Variants in EPB41L3 observed in about 807,000 individuals in gnomAD.
The protein encoded by EPB41L3 is erythrocyte membrane protein band 4.1 like 3.
In EPB41L3, 57 loss-of-function variants were observed where a neutral mutation model predicts 127.1. The observed-to-expected ratio is 0.45, with a 90% CI of 0.36 to 0.56. EPB41L3 has a LOEUF of 0.56. Among genes scored for constraint, EPB41L3 ranks in the 20% least tolerant of loss-of-function variants. The pLI is 0.00. For missense variants in EPB41L3, 1,273 were observed against 1,372.2 expected (o/e 0.93, Z 1.14); for synonymous variants, 572 against 549.5 (o/e 1.04, Z -0.57).
Position 5,543,443 on chromosome 18 carries a change from C to G in EPB41L3, c.-12+470G>C, listed in dbSNP as rs1430727819. On this transcript the variant is annotated intron_variant, in intron 1 of 22. Coordinates refer to ENST00000341928, the MANE Select transcript of EPB41L3 (RefSeq NM_012307.5). This position sits in a 1 kb window ranked among gnomAD's most constrained non-coding sequence, Gnocchi z 5.2. Reference sequence around the variant, plus strand: ...GCCCGGGCGGCGCCGCAGTGTCGCCCCCTGTCCCCCGCACCTCCCCGGGGG... The same window carrying G: ...GCCCGGGCGGCGCCGCAGTGTCGCCGCCTGTCCCCCGCACCTCCCCGGGGG... 1 of 146,886 alleles carries G rather than the reference C, an allele frequency of 6.8e-6. No individual in the cohort carries two copies. The highest frequency in any genetic ancestry group is 1.5e-5 in the Non-Finnish European group (1 of 66,108). The allele number at this position is 146,886 out of a possible 1,614,324, so 9.1% of individuals were successfully genotyped here.
chr18:5,590,533 T>G (rs553558427), intron 3 of EPB41L3, among the ~76,000 whole-genome samples: 10 of 151,936 alleles, frequency 6.6e-5, no homozygotes, highest in South Asian at 2.1e-4. Flanking sequence ...CCTATACTCC[T>G]GGGCATTTAC....
At chr18:5,444,062 T>C (rs1434472322) in intron 4 of EPB41L3, among the ~76,000 whole-genome samples, 182 bp from the exon 5 acceptor site, 1 of 152,198 alleles carries the variant, frequency 6.6e-6, no homozygotes, top group Non-Finnish European at 1.5e-5. Context: ...GCCCAGGCAC[T>C]GGTCTAATGA....
At chr18:5,491,316 T>C (rs1430732032) in intron 1 of EPB41L3, among the ~76,000 whole-genome samples, 2 of 152,200 alleles carry the variant, frequency 1.3e-5, no homozygotes, top group South Asian at 4.1e-4. Flanking sequence ...TACTCTGGAC[T>C]GTGACGTAAG....
At chr18:5,601,919 T>C (rs531134940) in intron 3 of EPB41L3, among the ~76,000 whole-genome samples, 4 of 151,738 alleles carry the variant, frequency 2.6e-5, no homozygotes, top group Admixed American at 2.0e-4. Flanking sequence ...CACTTCGGAG[T>C]GGTTGATTTT....
At chr18:5,559,914 AC>A (rs2094100055) in intron 3 of EPB41L3, among the ~76,000 whole-genome samples, 1 of 152,216 alleles carries the variant, frequency 6.6e-6, no homozygotes, top group Admixed American at 6.5e-5. Context: ...CTTGGTTACT[AC>A]ATTTAAAATT....
intron 3 of EPB41L3, among the ~76,000 whole-genome samples, chr18:5,611,801 G>A (rs2094728465): frequency 6.6e-6 from 1 of 151,952 alleles, no homozygotes; most frequent in African/African-American, 2.4e-5. Flanking sequence ...ATGGTGGTGT[G>A]CACCTGTAGT....
At chr18:5,410,486 G>A (rs2076059555) in intron 14 of EPB41L3, 80 bp downstream of exon 14, 1 of 975,604 alleles carries the variant, frequency 1.0e-6, no homozygotes, top group Non-Finnish European at 1.7e-6. Context: ...CAGCTCATAT[G>A]TGGAGTTCTT....
chr18:5,440,276 C>CA (rs1231225989), intron 5 of EPB41L3, among the ~76,000 whole-genome samples: 2 of 151,878 alleles, frequency 1.3e-5, no homozygotes, highest in African/African-American at 2.4e-5. Flanking sequence ...TTATAACACA[C>CA]AAAAAACACA....
At chr18:5,550,363 G>GA (rs1250572907) in intron 3 of EPB41L3, among the ~76,000 whole-genome samples, 1 of 152,120 alleles carries the variant, frequency 6.6e-6, no homozygotes, top group African/African-American at 2.4e-5. Context: ...TTTTATTTCA[G>GA]AAAAACAATA....
At chr18:5,407,606 C>T (rs777084121) in intron 15 of EPB41L3, 95 bp downstream of exon 15, 12 of 1,302,462 alleles carry the variant, frequency 9.2e-6, no homozygotes, top group Non-Finnish European at 1.3e-5. Flanking sequence ...AGCTACAGAG[C>T]ATGCTGAAAG....
At chr18:5,404,235 T>C (rs1302266330) in intron 16 of EPB41L3, among the ~76,000 whole-genome samples, 3 of 152,184 alleles carry the variant, frequency 2.0e-5, no homozygotes, top group African/African-American at 7.2e-5. Context: ...CAGGGCTCCT[T>C]TGATAAGCAG....
chr18:5,630,359 G>A (rs778861257), upstream of EPB41L3: 80 of 517,970 alleles, frequency 1.5e-4, no homozygotes, highest in Middle Eastern at 1.6e-3. Context: ...CGGCTGCCAA[G>A]AAGAGAAAGG....
intron 3 of EPB41L3, among the ~76,000 whole-genome samples, chr18:5,455,692 A>G (rs1308722778): frequency 2.0e-5 from 3 of 150,350 alleles, no homozygotes; most frequent in Admixed American, 6.7e-5. Flanking sequence ...AGACTTTTGC[A>G]CTCAGAGATG....
intron 1 of EPB41L3, chr18:5,540,252 C>T (rs2093682948): frequency 1.3e-6 from 1 of 759,868 alleles, no homozygotes; most frequent in Non-Finnish European, 1.6e-6. Flanking sequence ...AACAAACAAA[C>T]AAAAAACGTC....
At chr18:5,407,302 A>G (rs966431555) in intron 15 of EPB41L3, 2 of 389,880 alleles carry the variant, frequency 5.1e-6, no homozygotes, top group Non-Finnish European at 4.6e-6. Context: ...CGAATAACAA[A>G]TCAGAAGCTG....
chr18:5,414,249 A>T (rs2076528438), intron 13 of EPB41L3, among the ~76,000 whole-genome samples: 1 of 152,232 alleles, frequency 6.6e-6, no homozygotes, highest in African/African-American at 2.4e-5. Context: ...TAGTGATATT[A>T]AAGCCTAGGA....
At chr18:5,510,708 A>T (rs1203816898) in intron 1 of EPB41L3, among the ~76,000 whole-genome samples, 1 of 152,214 alleles carries the variant, frequency 6.6e-6, no homozygotes, top group Non-Finnish European at 1.5e-5. Context: ...GCTCTTCCTC[A>T]GCAGAGAGCA....
At chr18:5,408,139 C>T (rs528013999) in intron 14 of EPB41L3, among the ~76,000 whole-genome samples, 1 of 152,190 alleles carries the variant, frequency 6.6e-6, no homozygotes, top group East Asian at 1.9e-4. Context: ...TGTATGAATC[C>T]CGCCCTATGA....
At chr18:5,571,572 G>T (rs926554112) in intron 3 of EPB41L3, among the ~76,000 whole-genome samples, 1 of 152,130 alleles carries the variant, frequency 6.6e-6, no homozygotes, top group East Asian at 1.9e-4. Flanking sequence ...AATTTTAAAC[G>T]TTTACAAATT....
Sources: allele counts gnomAD v4.1 joint callset (sites outside exome capture counted in the v4.1 genomes callset), GRCh38; gene constraint gnomAD v4.1.1; non-coding constraint Gnocchi (gnomAD v3.1); transcripts MANE v1.5; gene names NCBI Gene and HGNC (gene_info 2026-07-23, HGNC 2026-07-21).